BDP1: variants seen among roughly 807,000 people sequenced by gnomAD.
The protein encoded by BDP1 is BDP1 general transcription factor IIIB subunit.
Under a neutral mutation model 266.6 loss-of-function variants are expected in BDP1, and 169 were observed. The ratio of observed to expected loss-of-function variants is 0.63; its 90% confidence interval spans 0.56 to 0.72. The LOEUF (loss-of-function observed/expected upper bound fraction) is 0.72, where lower values mean the gene tolerates loss of function less well. Ranked by LOEUF, BDP1 falls within the 30% of genes least tolerant of loss-of-function variation. The pLI, the probability that BDP1 is intolerant of heterozygous loss-of-function variation, is 0.00. For missense variants in BDP1, 3,015 were observed against 3,053.8 expected (o/e 0.99, Z 0.30); for synonymous variants, 1,090 against 1,022.4 (o/e 1.07, Z -1.26).
In BDP1 at chr5:71,547,514, A is replaced by G. The variant is rs150712119; in HGVS notation, c.6745-1168A>G. Among the ~76,000 whole-genome samples the G allele has an allele frequency of 4.1e-3, 622 of 152,310 alleles. 4 individuals carry two copies. The highest frequency in any genetic ancestry group is 4.4e-3 in the Non-Finnish European group (296 of 68,020). The stretch of plus-strand genomic sequence containing the variant: ...ATGGTACCTACCAGATTTCTTCATT[A>G]TAATGGCATCTTTTCCATTCTGTAT... On this transcript the variant is annotated intron_variant, in intron 32 of 38. Transcript: ENST00000358731.
chr5:71,472,672 A>G (rs1032879186), intron 7 of BDP1, among the ~76,000 whole-genome samples: 1 of 152,006 alleles, frequency 6.6e-6, no homozygotes, highest in African/African-American at 2.4e-5. Flanking sequence ...AGTCTGTCCT[A>G]TTTTGATATG....
chr5:71,493,263 T>G (rs1426062707), intron 11 of BDP1, among the ~76,000 whole-genome samples: 1 of 152,208 alleles, frequency 6.6e-6, no homozygotes. Flanking sequence ...ATTTTTAAAA[T>G]AATTAAAAAA....
intron 30 of BDP1, among the ~76,000 whole-genome samples, chr5:71,543,011 G>A (rs771336536): frequency 6.6e-6 from 1 of 151,916 alleles, no homozygotes; most frequent in Non-Finnish European, 1.5e-5. Context: ...ACTGGGGCTG[G>A]GCACAGTGGC....
chr5:71,539,941 T>C (rs1766862321), intron 28 of BDP1, among the ~76,000 whole-genome samples: 1 of 152,134 alleles, frequency 6.6e-6, no homozygotes, highest in African/African-American at 2.4e-5. Context: ...GAATACTACC[T>C]TTACCATCAT....
At chr5:71,516,721 A>G (rs932100152) in intron 21 of BDP1, among the ~76,000 whole-genome samples, 2 of 152,190 alleles carry the variant, frequency 1.3e-5, no homozygotes, top group Non-Finnish European at 2.9e-5. Flanking sequence ...GCTGTATAAC[A>G]TGCTGTTTTG....
intron 25 of BDP1, among the ~76,000 whole-genome samples, chr5:71,526,615 C>CAAAAAAA (rs752124588): frequency 1.4e-4 from 7 of 49,828 alleles, no homozygotes; most frequent in South Asian, 1.2e-3. Context: ...GACTCTATCT[C>CAAAAAAA]AAAAAAAAAA....
At chr5:71,524,358 T>A in intron 25 of BDP1, 35 bp downstream of exon 25, 1 of 1,536,332 alleles carries the variant, frequency 6.5e-7, no homozygotes, top group Non-Finnish European at 8.8e-7. Flanking sequence ...GTACTTTATC[T>A]TACTTGGTTT....
chr5:71,577,734 G>A, the BDP1 span, among the ~76,000 whole-genome samples: 1 of 152,178 alleles, frequency 6.6e-6, no homozygotes, highest in Non-Finnish European at 1.5e-5. Flanking sequence ...GGCCTGGAGA[G>A]CGTCAACCCT....
intron 20 of BDP1, 95 bp from the exon 21 acceptor site, chr5:71,515,966 T>A: frequency 2.7e-6 from 2 of 747,940 alleles, no homozygotes; most frequent in South Asian, 2.0e-5. Context: ...TTTTTTAGAG[T>A]GTTTATTAGA....
At position 71,498,715 on chromosome 5, in the gene BDP1, C is replaced by T. The variant is rs1204039405; in HGVS notation, c.1956+1289C>T. On this transcript the variant is annotated intron_variant, in intron 13 of 38. Transcript: ENST00000358731. ...CTGGGATTACAGGCGTGAGCCACCA[C>T]GCCTGCCGTCTTTTTTTTTTTTTTT... Among the ~76,000 whole-genome samples the T allele has an allele frequency of 3.4e-5, 5 of 147,412 alleles. No individual in the cohort carries two copies. The South Asian group carries it at 6.4e-4, about 19-fold the overall frequency.
intron 7 of BDP1, among the ~76,000 whole-genome samples, chr5:71,474,104 C>A (rs981082714): frequency 6.6e-6 from 1 of 151,738 alleles, no homozygotes; most frequent in Non-Finnish European, 1.5e-5. Flanking sequence ...CTCAGCCTCC[C>A]GAGTAGCTGG....
At chr5:71,572,291 C>T (rs467883), downstream of BDP1, among the ~76,000 whole-genome samples, 46,616 of 151,984 alleles carry the variant, frequency 0.31, 8,097 homozygotes, top group East Asian at 0.51. Flanking sequence ...TCTTTATTCC[C>T]GCATTCATCC....
Position 71,504,719 on chromosome 5 carries a change from A to T in BDP1, c.2340A>T (p.Pro780=). 1 of 1,613,756 alleles carries T rather than the reference A, an allele frequency of 6.2e-7. No individual in the cohort carries two copies. The highest frequency in any genetic ancestry group is 1.7e-4 in the Middle Eastern group (1 of 6,058). The change falls in exon 16 of 39, where the codon CCA becomes CCT. Residue 780 remains proline (P), a synonymous_variant. Transcript: ENST00000358731. ...ATGATTCTTTTCAAAATGTGCAGCC[A>T]GATGAGCCCAAGGTTCTTAATGAAT... ...EKNDSFQNVQ[P]DEPKVLNECL...
At chr5:71,519,921 AT>A (rs1211863009) in intron 22 of BDP1, among the ~76,000 whole-genome samples, 3 of 152,132 alleles carry the variant, frequency 2.0e-5, no homozygotes, top group Non-Finnish European at 4.4e-5. Context: ...CCTACTTTAT[AT>A]TCCCACGAAC....
chr5:71,495,457 C>T, intron 12 of BDP1, 49 bp downstream of exon 12: 1 of 1,297,880 alleles, frequency 7.7e-7, no homozygotes, highest in South Asian at 1.6e-5. Context: ...TGATAAGGTT[C>T]TTAAATGATA....
chr5:71,468,826 C>T lies in BDP1; in HGVS notation c.919+1339C>T, dbSNP rs547203984. Among the ~76,000 whole-genome samples, 197 of 151,188 alleles carry T rather than the reference C, an allele frequency of 1.3e-3. 1 individual carries two copies. Among genetic ancestry groups the T allele is most frequent in the African/African-American group, 4.5e-3 (187 of 41,206 alleles). On this transcript the variant is annotated intron_variant, in intron 6 of 38. Coordinates refer to ENST00000358731, the MANE Select transcript of BDP1 (RefSeq NM_018429.3). ...TTCACCATGTTGGCCAGGCTGGTCT[C>T]GAACTCCTGACCTCAGGTGATCCGC...
chr5:71,483,810 A>G, intron 7 of BDP1, 32 bp from the exon 8 acceptor site: 1 of 1,556,332 alleles, frequency 6.4e-7, no homozygotes, highest in Non-Finnish European at 8.8e-7. Flanking sequence ...TTTATGAGAG[A>G]AAATTACCAT....
In BDP1 at chr5:71,532,418, T is replaced by G. The variant is rs756235768; in HGVS notation, c.5883T>G (p.Ser1961Arg). The G allele has an allele frequency of 6.2e-7, 1 of 1,613,364 alleles. No homozygotes were observed. The highest frequency in any genetic ancestry group is 8.5e-7 in the Non-Finnish European group (1 of 1,179,664). The part of the protein sequence containing the change: ...TEEMKQEENL[S>R]VPFEMTTSEH... ...AAATGAAACAAGAAGAAAATTTGAG[T>G]GTACCGTTTGTAAGCATCCATTTTA... The change falls in exon 26 of 39, where the codon AGT becomes AGG. Residue 1961 changes from serine (S) to arginine (R), a missense_variant. By Grantham distance (110) the Ser-to-Arg change is moderately radical. Around this residue, in one of 3 missense-constraint regions of BDP1, gnomAD observed 2,383 missense variants for 2,404.9 expected, o/e 0.99. Transcript: ENST00000358731.
chr5:71,460,770 A>G (rs1254316087), intron 2 of BDP1, among the ~76,000 whole-genome samples: 2 of 152,152 alleles, frequency 1.3e-5, no homozygotes, highest in African/African-American at 4.8e-5. Context: ...TCTGTATTTT[A>G]CAGAAACTGC....
Sources: allele counts gnomAD v4.1 joint callset (sites outside exome capture counted in the v4.1 genomes callset), GRCh38; gene constraint gnomAD v4.1.1; regional missense constraint gnomAD v4.1.1; transcripts MANE v1.5; gene names NCBI Gene and HGNC (gene_info 2026-07-23, HGNC 2026-07-21).